The following SRC variants were observed in gnomAD, a reference collection of about 807,000 sequenced individuals.
The protein encoded by SRC is proto-oncogene tyrosine-protein kinase Src.
Under a neutral mutation model 62.9 loss-of-function variants are expected in SRC, and 13 were observed. The observed-to-expected ratio is 0.21, with a 90% CI of 0.13 to 0.33. The LOEUF is 0.33. Ranked by LOEUF, SRC falls within the 10% of genes least tolerant of loss-of-function variation. The pLI, the probability that SRC is intolerant of heterozygous loss-of-function variation, is 1.00. For synonymous variants in SRC, 302 were observed against 317.5 expected, an observed-to-expected ratio of 0.95 and a Z score of 0.52; for missense variants, 457 against 737.3, an observed-to-expected ratio of 0.62 and a Z score of 4.40.
intron 5 of SRC, among the ~76,000 whole-genome samples, chr20:37,389,695 G>A (rs961539612): frequency 6.6e-5 from 10 of 152,154 alleles, no homozygotes; most frequent in South Asian, 6.2e-4. Context: ...CAAAGCTGCC[G>A]TGCCCCTGAG....
rs574053260 is a variant in SRC, at chr20:37,389,263, C to G, written c.350+3089C>G. Among the ~76,000 whole-genome samples, 5 of 152,284 alleles carry G rather than the reference C, an allele frequency of 3.3e-5. No homozygotes were observed. The East Asian group carries it at 9.7e-4, about 29-fold the overall frequency. ...CCTAGTCTCAGGAGTCAGGGCCCCT[C>G]CTGGGTCTGACTCTGGGTTGCTCCC... On this transcript the variant is annotated intron_variant, in intron 5 of 13. Transcript: ENST00000373578.
chr20:37,350,615 T>A (rs559445499), intron 1 of SRC, among the ~76,000 whole-genome samples: 2 of 152,236 alleles, frequency 1.3e-5, no homozygotes, highest in Non-Finnish European at 2.9e-5. Context: ...CCTCAGCCTC[T>A]GCACACCTCC....
chr20:37,384,116 T>G lies in SRC; in HGVS notation c.-4-34T>G. On this transcript the variant is annotated intron_variant, in intron 3 of 13. Transcript: ENST00000373578. This position sits in a 1 kb window ranked among gnomAD's most constrained non-coding sequence, Gnocchi z 6.7. ...GCCGGCCAAGGGGCCCCGGCAGCCC[T>G]GCCTGTTCCAGTGTCTTCTCTCTCT... The G allele has an allele frequency of 6.3e-7, 1 of 1,592,298 alleles. No individual in the cohort carries two copies. Among genetic ancestry groups the G allele is most frequent in the Admixed American group, 1.7e-5 (1 of 59,332 alleles).
chr20:37,388,178 G>A (rs1259789208), intron 5 of SRC, among the ~76,000 whole-genome samples: 1 of 152,150 alleles, frequency 6.6e-6, no homozygotes, highest in South Asian at 2.1e-4. Context: ...GTGGAGGCAG[G>A]AAGGGCTGGG....
intron 7 of SRC, among the ~76,000 whole-genome samples, chr20:37,395,596 C>T (rs773211566): frequency 4.6e-5 from 7 of 152,242 alleles, no homozygotes; most frequent in Non-Finnish European, 1.0e-4. Flanking sequence ...CTCCTGCCCA[C>T]GACGGCCAAA....
chr20:37,366,491 A>G (rs1008029781), intron 2 of SRC, among the ~76,000 whole-genome samples: 2 of 152,228 alleles, frequency 1.3e-5, no homozygotes, highest in Non-Finnish European at 2.9e-5. Flanking sequence ...TCATTACTCC[A>G]GAAAGAAACT....
At chr20:37,375,864 G>A (rs2070267985) in intron 2 of SRC, among the ~76,000 whole-genome samples, 1 of 152,236 alleles carries the variant, frequency 6.6e-6, no homozygotes, top group Non-Finnish European at 1.5e-5. Flanking sequence ...TTCAGTGTCT[G>A]ATGAGGACTC....
intron 2 of SRC, among the ~76,000 whole-genome samples, chr20:37,380,611 T>C (rs1403185878): frequency 6.6e-6 from 1 of 152,136 alleles, no homozygotes; most frequent in Admixed American, 6.5e-5. Context: ...TCCATGCCCA[T>C]TTAGTCTTTT....
At chr20:37,386,386 C>T in intron 5 of SRC, 2 of 719,966 alleles carry the variant, frequency 2.8e-6, no homozygotes, top group Non-Finnish European at 5.2e-6. Flanking sequence ...CCTCCCAATC[C>T]CTGGCTCTCG....
In SRC at chr20:37,364,095, G is replaced by C. The variant is rs559823520; in HGVS notation, c.-246-1109G>C. Among the ~76,000 whole-genome samples, 18 of 152,212 alleles carry C rather than the reference G, an allele frequency of 1.2e-4. No homozygotes were observed. The South Asian group carries it at 3.7e-3, about 32-fold the overall frequency. Reference sequence around the variant, plus strand: ...CCCTGCCATTGGGGTACTGTTATCAGGAGGCATTCCAGGACTGGCTGAGAA... The same window carrying C: ...CCCTGCCATTGGGGTACTGTTATCACGAGGCATTCCAGGACTGGCTGAGAA... On this transcript the variant is annotated intron_variant, in intron 1 of 13. Coordinates refer to ENST00000373578, the MANE Select transcript of SRC (RefSeq NM_198291.3).
chr20:37,371,656 T>C (rs980155205), intron 2 of SRC, among the ~76,000 whole-genome samples: 1 of 152,132 alleles, frequency 6.6e-6, no homozygotes, highest in Non-Finnish European at 1.5e-5. Flanking sequence ...TGTCTTAAGG[T>C]AGAAGTTTAG....
chr20:37,393,603 G>C (rs150560960), intron 5 of SRC: 120 of 206,732 alleles, frequency 5.8e-4, no homozygotes, highest in African/African-American at 2.6e-3. Flanking sequence ...TTCCTGTCCC[G>C]GGACTCCTCC....
chr20:37,373,436 C>T (rs1265964395), intron 2 of SRC, among the ~76,000 whole-genome samples: 3 of 94,996 alleles, frequency 3.2e-5, no homozygotes, highest in South Asian at 5.1e-4. Context: ...CGTGTATATA[C>T]GCATATATAC....
intron 1 of SRC, among the ~76,000 whole-genome samples, chr20:37,349,924 A>G (rs1256409065): frequency 6.6e-6 from 1 of 152,222 alleles, no homozygotes; most frequent in African/African-American, 2.4e-5. Flanking sequence ...GTAAGTACTA[A>G]GACCCAGGAA....
Position 37,360,083 on chromosome 20 carries a change from C to T in SRC, c.-246-5121C>T, listed in dbSNP as rs374775553. Reference sequence around the variant, plus strand: ...TCTTGTGTCATTTTAGAGCAAATGACAGGCATCTTATTTCACGTGTGAAAT... The same window carrying T: ...TCTTGTGTCATTTTAGAGCAAATGATAGGCATCTTATTTCACGTGTGAAAT... On this transcript the variant is annotated intron_variant, in intron 1 of 13. Coordinates refer to ENST00000373578, the MANE Select transcript of SRC (RefSeq NM_198291.3). Among the ~76,000 whole-genome samples the T allele has an allele frequency of 6.6e-5, 10 of 152,166 alleles. No individual in the cohort carries two copies. In the East Asian group the frequency reaches 1.9e-3, roughly 29 times the overall value.
chr20:37,365,323 C>CACACACACAT (rs1251501572), intron 2 of SRC, 46 bp downstream of exon 2: 9 of 7,486 alleles, frequency 1.2e-3, no homozygotes, highest in African/African-American at 1.6e-3. Context: ...GACATCAACA[C>CACACACACAT]ACACACACAC....
At chr20:37,347,603 C>T (rs1349898623) in intron 1 of SRC, among the ~76,000 whole-genome samples, 1 of 152,186 alleles carries the variant, frequency 6.6e-6, no homozygotes, top group Admixed American at 6.5e-5. Flanking sequence ...AGAAATAGCC[C>T]TGGCACCGTC....
chr20:37,346,641 G>A (rs2069725963), intron 1 of SRC, among the ~76,000 whole-genome samples: 1 of 150,814 alleles, frequency 6.6e-6, no homozygotes, highest in South Asian at 2.1e-4. Context: ...TGCCTGGGCT[G>A]CCCGGCCCTG....
rs1457919261 is a variant in SRC at position 37,396,523 on chromosome 20, G to C, written c.703+212G>C. On this transcript the variant is annotated intron_variant, in intron 8 of 13. Transcript: ENST00000373578. This position sits in a 1 kb window ranked among gnomAD's most constrained non-coding sequence, Gnocchi z 6.1. ...CTTTCCCCCAGCCCCCCTCCTCCCT[G>C]TCCCCCTCTCTCCCTGCTCCACGCA... The C allele has an allele frequency of 1.6e-6, 1 of 638,858 alleles. No homozygotes were observed. The highest frequency in any genetic ancestry group is 3.0e-5 in the Admixed American group (1 of 33,208). 39.6% of individuals were successfully genotyped at this position (638,858 alleles called of 1,614,324 possible).
Sources: allele counts gnomAD v4.1 joint callset (sites outside exome capture counted in the v4.1 genomes callset), GRCh38; gene constraint gnomAD v4.1.1; non-coding constraint Gnocchi (gnomAD v3.1); transcripts MANE v1.5; gene names NCBI Gene and HGNC (gene_info 2026-07-23, HGNC 2026-07-21).